Variants in CLIC5 observed in about 807,000 individuals in gnomAD.
The protein encoded by CLIC5 is chloride intracellular channel protein 5.
In CLIC5, 20 loss-of-function variants were observed where a neutral mutation model predicts 24.7. The ratio of observed to expected loss-of-function variants is 0.81; its 90% CI spans 0.57 to 1.18. The LOEUF is 1.18. Ranked by LOEUF, CLIC5 falls within the 50% of genes most tolerant of loss-of-function variation. CLIC5 has a pLI of 0.00. For synonymous variants in CLIC5, 159 were observed against 135.6 expected (o/e 1.17, Z -1.20); for missense variants, 341 against 326.1 (o/e 1.05, Z -0.35).
chr6:45,905,305 A>G (rs1325927535), intron 5 of CLIC5, among the ~76,000 whole-genome samples: 1 of 152,202 alleles, frequency 6.6e-6, no homozygotes, highest in African/African-American at 2.4e-5. Flanking sequence ...AAATCTCCAG[A>G]GTGACTGAAC....
intron 1 of CLIC5, among the ~76,000 whole-genome samples, chr6:45,961,325 AG>A (rs1286379573): frequency 1.4e-4 from 22 of 152,244 alleles, no homozygotes; most frequent in African/African-American, 5.3e-4. Flanking sequence ...AACTGACCTC[AG>A]GAATGCTATA....
chr6:46,082,603 G>A (rs542340287), upstream of CLIC5, among the ~76,000 whole-genome samples: 3 of 152,066 alleles, frequency 2.0e-5, no homozygotes, highest in Non-Finnish European at 2.9e-5. Flanking sequence ...TCCCATATTA[G>A]ACCTTTTACA....
At chr6:46,091,014 T>G in the CLIC5 span, among the ~76,000 whole-genome samples, 3 of 152,200 alleles carry the variant, frequency 2.0e-5, no homozygotes, top group South Asian at 6.2e-4. Context: ...GTCACTTTCC[T>G]TTTTCTGTCT....
chr6:46,073,305 T>C (rs946563947), intron 1 of CLIC5, among the ~76,000 whole-genome samples: 1 of 152,146 alleles, frequency 6.6e-6, no homozygotes. Context: ...GCTGAATCCA[T>C]ATATCTCCCC....
chr6:45,938,124 GA>G (rs1162175202), intron 4 of CLIC5, among the ~76,000 whole-genome samples: 1 of 152,144 alleles, frequency 6.6e-6, no homozygotes. Flanking sequence ...GATCCAGAGG[GA>G]AAAAAATGGC....
In CLIC5 at chr6:45,955,045, T is replaced by G. The variant is rs1764597034; in HGVS notation, c.173+90A>C. On this transcript the variant is annotated intron_variant, in intron 2 of 5. Coordinates refer to ENST00000339561, the MANE Select transcript of CLIC5 (RefSeq NM_016929.5). ...CAATGACGTGTGAGCAGGGGGCTGC[T>G]GGGAGCCACGGAAGGCTTTTGCCCT... The G allele has an allele frequency of 5.9e-6, 5 of 852,976 alleles. No homozygotes were observed. The South Asian group carries it at 7.9e-5, about 13-fold the overall frequency. The allele number at this position is 852,976 out of a possible 1,614,324, so 52.8% of individuals were successfully genotyped here.
chr6:45,948,253 A>T (rs1764351254), intron 3 of CLIC5, among the ~76,000 whole-genome samples: 1 of 152,198 alleles, frequency 6.6e-6, no homozygotes, highest in South Asian at 2.1e-4. Flanking sequence ...CACTAACTTT[A>T]CTTACTCAGT....
chr6:46,015,718 T>C lies in CLIC5; in HGVS notation c.-176A>G. The C allele has an allele frequency of 1.6e-6, 2 of 1,254,216 alleles. No homozygotes were observed. Among genetic ancestry groups the C allele is most frequent in the Non-Finnish European group, 2.0e-6 (2 of 998,804 alleles). The allele number at this position is 1,254,216 out of a possible 1,614,324, so 77.7% of individuals were successfully genotyped here. On this transcript the variant is annotated 5_prime_UTR_variant, in exon 1 of 6. Transcript: ENST00000339561. ...AGCAGCGGGGTCTGAGAGATCAGTG[T>C]CCCAGATGCTCACATGAAAAGGAGC...
chr6:45,974,522 T>G lies in CLIC5; in HGVS notation c.64-19278A>C, dbSNP rs9381412. On this transcript the variant is annotated intron_variant, in intron 1 of 5. Transcript: ENST00000339561. ...GTATATATATATATATATATATATA[T>G]AGAGAGAGAGAGAGAGAGAGAGAGA... 7.1e-3 allele frequency among the ~76,000 whole-genome samples: 468 copies of G among 66,008 alleles called. 5 individuals are homozygous for G. Among genetic ancestry groups the G allele is most frequent in the Middle Eastern group, 0.022 (2 of 90 alleles). 43.3% of individuals were successfully genotyped at this position (66,008 alleles called of 152,430 possible). A position where few individuals can be genotyped will look rare whatever the true frequency, so the allele number is the denominator to read the frequency against.
chr6:46,118,473 G>A, the CLIC5 span, among the ~76,000 whole-genome samples: 1 of 152,142 alleles, frequency 6.6e-6, no homozygotes. Context: ...GCATAAACTA[G>A]GACTATCCTG....
chr6:45,931,017 T>A (rs1276113809), intron 4 of CLIC5, among the ~76,000 whole-genome samples: 1 of 152,200 alleles, frequency 6.6e-6, no homozygotes, highest in Non-Finnish European at 1.5e-5. Flanking sequence ...TTGTTTTGTG[T>A]TTTACATTTT....
intron 1 of CLIC5, among the ~76,000 whole-genome samples, chr6:46,005,980 GTATATATATATATATATATTTATA>G (rs1162072021): frequency 8.5e-6 from 1 of 117,696 alleles, no homozygotes; most frequent in Non-Finnish European, 1.7e-5. Flanking sequence ...GCCTATGTGT[GTATATATATATATATATATTTATA>G]TATATATATA....
At chr6:46,127,365 G>C in the CLIC5 span, among the ~76,000 whole-genome samples, 1 of 151,874 alleles carries the variant, frequency 6.6e-6, no homozygotes, top group East Asian at 1.9e-4. Context: ...TTTCTCTGTG[G>C]GGTATATTCA....
At chr6:46,129,666 G>C in the CLIC5 span, 1 of 152,226 alleles carries the variant, frequency 6.6e-6, no homozygotes, top group South Asian at 2.1e-4. Context: ...GGCCACCTAA[G>C]CTGCCAGGTG....
intron 4 of CLIC5, among the ~76,000 whole-genome samples, chr6:45,925,757 T>C (rs1763459274): frequency 6.6e-6 from 1 of 152,222 alleles, no homozygotes. Flanking sequence ...ACTTATGTAA[T>C]AAGCTTTAAC....
intron 5 of CLIC5, chr6:45,912,012 G>A: frequency 1.0e-6 from 1 of 985,710 alleles, no homozygotes; most frequent in Non-Finnish European, 1.2e-6. Context: ...CCACGCAAGA[G>A]GAGAGTGAGC....
intron 1 of CLIC5, among the ~76,000 whole-genome samples, chr6:45,998,824 G>A (rs1354275147): frequency 1.3e-5 from 2 of 152,176 alleles, no homozygotes; most frequent in Non-Finnish European, 2.9e-5. Flanking sequence ...GGGTACCTAG[G>A]TCAGCGATCA....
intron 1 of CLIC5, among the ~76,000 whole-genome samples, chr6:46,056,358 A>G (rs1379924655): frequency 6.6e-6 from 1 of 152,030 alleles, no homozygotes. Context: ...TGTAGAATAA[A>G]TTTCCCCTCC....
In CLIC5 at chr6:45,946,532, C is replaced by T. The variant is rs80222887; in HGVS notation, c.299+2724G>A. On this transcript the variant is annotated intron_variant, in intron 3 of 5. Transcript: ENST00000339561. ...ACAAATAGTGGTATGATGAGAAACA[C>T]ATGGCCGACCAGCGCTTGGTGAATG... is the stretch of plus-strand genomic sequence containing the variant. Among the ~76,000 whole-genome samples the T allele has an allele frequency of 5.9e-3, 898 of 152,314 alleles. 7 individuals are homozygous for T. The highest frequency in any genetic ancestry group is 0.021 in the African/African-American group (854 of 41,568).
Sources: allele counts gnomAD v4.1 joint callset (sites outside exome capture counted in the v4.1 genomes callset), GRCh38; gene constraint gnomAD v4.1.1; transcripts MANE v1.5; gene names NCBI Gene and HGNC (gene_info 2026-07-23, HGNC 2026-07-21).